Variants in RSRC1 observed in about 807,000 individuals in gnomAD.
The protein encoded by RSRC1 is arginine and serine rich coiled-coil 1, also known as serine/Arginine-related protein 53.
A neutral mutation model predicts 49.1 loss-of-function variants in RSRC1; 39 were observed. That is an observed-to-expected ratio of 0.79 (90% CI 0.61 to 1.04). The LOEUF (loss-of-function observed/expected upper bound fraction) is 1.04, where lower values mean the gene tolerates loss of function less well. RSRC1 is among the 50% of genes least tolerant of loss of function. The probability of loss-of-function intolerance (pLI) is 0.00; values close to 1 mark genes in which losing one functional copy is unlikely to be tolerated. For synonymous variants in RSRC1, 143 were observed against 130.8 expected (o/e 1.09, Z -0.63); for missense variants, 388 against 402.4 (o/e 0.96, Z 0.31).
intron 4 of RSRC1, among the ~76,000 whole-genome samples, chr3:158,244,493 C>T (rs1229148781): frequency 6.6e-6 from 1 of 152,114 alleles, no homozygotes; most frequent in Non-Finnish European, 1.5e-5. Flanking sequence ...GGTGGATAAG[C>T]TTTTTGATGT....
intron 6 of RSRC1, among the ~76,000 whole-genome samples, chr3:158,406,513 A>G (rs1367517873): frequency 1.3e-5 from 2 of 152,164 alleles, no homozygotes; most frequent in African/African-American, 2.4e-5. Context: ...AAATTGATAC[A>G]GTACTAAAGT....
chr3:158,180,105 A>G (rs751056317), intron 3 of RSRC1, among the ~76,000 whole-genome samples: 5 of 151,640 alleles, frequency 3.3e-5, no homozygotes, highest in South Asian at 2.1e-4. Flanking sequence ...GTTTTTTACT[A>G]TTGAGTTTTG....
chr3:158,372,827 G>C (rs1560015006), intron 6 of RSRC1, among the ~76,000 whole-genome samples: 1 of 151,674 alleles, frequency 6.6e-6, no homozygotes, highest in Admixed American at 6.6e-5. Context: ...TTGAATCCAC[G>C]GACATGGTAT....
At chr3:158,239,257 A>T (rs533235677) in intron 4 of RSRC1, among the ~76,000 whole-genome samples, 5 of 152,180 alleles carry the variant, frequency 3.3e-5, no homozygotes, top group Non-Finnish European at 5.9e-5. Context: ...TTTACACTGT[A>T]GGTGGGAGTG....
chr3:158,481,332 A>G (rs756544299), intron 7 of RSRC1, among the ~76,000 whole-genome samples: 6 of 152,104 alleles, frequency 3.9e-5, no homozygotes, highest in Non-Finnish European at 7.4e-5. Context: ...TTCTGTTCGC[A>G]TAGCTAAACC....
intron 3 of RSRC1, among the ~76,000 whole-genome samples, chr3:158,177,226 C>T (rs538361827): frequency 5.3e-5 from 8 of 152,284 alleles, no homozygotes; most frequent in East Asian, 1.9e-4. Flanking sequence ...TTGTGGAAGA[C>T]GGTGTGGTGA....
chr3:158,136,809 A>G (rs1424981042), intron 3 of RSRC1: 2 of 152,204 alleles, frequency 1.3e-5, no homozygotes, highest in Non-Finnish European at 2.9e-5. Context: ...TGGACGAGCA[A>G]AACTGGGCAA....
intron 5 of RSRC1, among the ~76,000 whole-genome samples, chr3:158,318,598 A>T (rs1339979017): frequency 6.6e-6 from 1 of 152,300 alleles, no homozygotes; most frequent in East Asian, 1.9e-4. Context: ...GGGAAAAAGA[A>T]AAAAGGACCA....
chr3:158,354,893 G>T lies in RSRC1; in HGVS notation c.568G>T (p.Val190Phe). The T allele has an allele frequency of 6.5e-7, 1 of 1,544,884 alleles. No individual in the cohort carries two copies. Among genetic ancestry groups the T allele is most frequent in the Non-Finnish European group, 8.7e-7 (1 of 1,149,922 alleles). ...ACAGGCCAAAGCCAGACTACAGCTGGTTCTTGAAGCTGCTGGTAAGTGTTG... is the reference window on the plus strand; with the variant it reads ...ACAGGCCAAAGCCAGACTACAGCTGTTTCTTGAAGCTGCTGGTAAGTGTTG... ...AEQAKARLQLVLEAAAKADEA... is the reference protein window; with the variant it reads ...AEQAKARLQLFLEAAAKADEA... The change falls in exon 6 of 10, where the codon GTT becomes TTT. Residue 190 changes from valine to phenylalanine, a missense_variant. Physicochemically the swap from Val to Phe is conservative, Grantham distance 50. Coordinates refer to ENST00000611884, the MANE Select transcript of RSRC1 (RefSeq NM_001271838.2).
chr3:158,155,563 G>A (rs1717814909), intron 3 of RSRC1, among the ~76,000 whole-genome samples: 1 of 150,914 alleles, frequency 6.6e-6, no homozygotes, highest in South Asian at 2.1e-4. Context: ...TCTCAAGTAG[G>A]TGGGACTACA....
At chr3:158,301,239 CT>C (rs1211164439) in intron 5 of RSRC1, among the ~76,000 whole-genome samples, 5 of 152,006 alleles carry the variant, frequency 3.3e-5, no homozygotes, top group African/African-American at 1.2e-4. Flanking sequence ...AAGCCTATGC[CT>C]TTTTAAAGTT....
chr3:158,538,315 C>T (rs562435986), intron 8 of RSRC1, among the ~76,000 whole-genome samples: 7 of 151,892 alleles, frequency 4.6e-5, no homozygotes, highest in Non-Finnish European at 8.9e-5. Context: ...GTGGTCCTTG[C>T]GTTGCCATTT....
intron 7 of RSRC1, among the ~76,000 whole-genome samples, chr3:158,482,988 T>C (rs931706081): frequency 2.0e-5 from 3 of 151,956 alleles, no homozygotes; most frequent in Admixed American, 6.6e-5. Flanking sequence ...TGAATACAAA[T>C]GGAGGACAAA....
At position 158,145,546 on chromosome 3, in the gene RSRC1, A is replaced by T. The variant is rs186644094; in HGVS notation, c.320+21555A>T. Among the ~76,000 whole-genome samples, 1,162 of 152,250 alleles carry T rather than the reference A, an allele frequency of 7.6e-3. 15 individuals are homozygous for T. The highest frequency in any genetic ancestry group is 0.027 in the African/African-American group (1,129 of 41,532). The stretch of plus-strand genomic sequence containing the variant: ...TTTGGTTACTGTAACCTTGTAGTAT[A>T]GTTTGAAGTCAGGTAGCATGATGCC... On this transcript the variant is annotated intron_variant, in intron 3 of 9. Coordinates refer to ENST00000611884, the MANE Select transcript of RSRC1 (RefSeq NM_001271838.2).
At chr3:158,317,089 T>G (rs1356931594) in intron 5 of RSRC1, among the ~76,000 whole-genome samples, 1 of 152,198 alleles carries the variant, frequency 6.6e-6, no homozygotes, top group African/African-American at 2.4e-5. Context: ...ATGAATACAT[T>G]AAAAGCAAAC....
intron 3 of RSRC1, among the ~76,000 whole-genome samples, chr3:158,144,484 A>G (rs1716951540): frequency 1.3e-5 from 2 of 152,190 alleles, no homozygotes; most frequent in African/African-American, 2.4e-5. Context: ...TTACGGCTGC[A>G]TAGTATTCCA....
At chr3:158,392,057 A>T (rs1733336674) in intron 6 of RSRC1, among the ~76,000 whole-genome samples, 5 of 152,100 alleles carry the variant, frequency 3.3e-5, no homozygotes, top group African/African-American at 9.7e-5. Context: ...ATGAAAGCAA[A>T]CAAGTTTGTG....
intron 4 of RSRC1, among the ~76,000 whole-genome samples, chr3:158,286,987 C>T (rs827140): frequency 0.45 from 68,322 of 151,878 alleles, 15,705 homozygotes; most frequent in East Asian, 0.64. Flanking sequence ...CCACCACACC[C>T]GGCCAATTTT....
At chr3:158,154,485 G>C (rs1717742664) in intron 3 of RSRC1, among the ~76,000 whole-genome samples, 1 of 144,980 alleles carries the variant, frequency 6.9e-6, no homozygotes, top group Non-Finnish European at 1.5e-5. Flanking sequence ...TTTTTTTTGA[G>C]AGGGAGTCTC....
Sources: gnomAD v4.1 joint callset for allele counts (sites outside exome capture counted in the v4.1 genomes callset) on GRCh38, gnomAD v4.1.1 for gene constraint, MANE v1.5 for transcripts, NCBI Gene and HGNC (gene_info 2026-07-23, HGNC 2026-07-21) for gene names.